Variants in SLC8A1 observed in about 807,000 individuals in gnomAD.
SLC8A1 encodes solute carrier family 8 member A1.
A neutral mutation model predicts 68.3 loss-of-function variants in SLC8A1; 18 were observed. The observed-to-expected ratio is 0.26, with a 90% CI of 0.18 to 0.39. The LOEUF (loss-of-function observed/expected upper bound fraction) is 0.39. Ranked by LOEUF, SLC8A1 falls within the 10% of genes least tolerant of loss-of-function variation. The pLI, the probability that SLC8A1 is intolerant of heterozygous loss-of-function variation, is 1.00. For synonymous variants in SLC8A1, 475 were observed against 415.5 expected, an observed-to-expected ratio of 1.14 and a Z score of -1.74; for missense variants, 985 against 1,156.7, an observed-to-expected ratio of 0.85 and a Z score of 2.15.
chr2:40,177,337 T>C (rs1350002017), intron 3 of SLC8A1, among the ~76,000 whole-genome samples: 1 of 152,234 alleles, frequency 6.6e-6, no homozygotes, highest in Non-Finnish European at 1.5e-5. Flanking sequence ...CTAATAGGTA[T>C]TAAGCAGTTT....
Position 40,439,851 on chromosome 2 carries a change from G to T in SLC8A1, c.-24-9547C>A, listed in dbSNP as rs1057312723. Among the ~76,000 whole-genome samples, 98 of 152,116 alleles carry T rather than the reference G, an allele frequency of 6.4e-4. 1 individual carries two copies. Among genetic ancestry groups the T allele is most frequent in the East Asian group, 1.9e-4 (1 of 5,176 alleles). ...ATTTTAAAAAGTCAAGGTGATGGGTGCTCACATAAGGGTGACTCTCCATCA... is the reference window on the plus strand; with the variant it reads ...ATTTTAAAAAGTCAAGGTGATGGGTTCTCACATAAGGGTGACTCTCCATCA... On this transcript the variant is annotated intron_variant, in intron 1 of 7. Coordinates refer to ENST00000406785, the Ensembl canonical transcript of SLC8A1.
chr2:40,449,055 T>A (rs934188150), intron 1 of SLC8A1, among the ~76,000 whole-genome samples: 2 of 152,024 alleles, frequency 1.3e-5, no homozygotes, highest in African/African-American at 4.8e-5. Flanking sequence ...TATTGCCATA[T>A]TTTTAGGGCA....
chr2:40,314,598 C>G (rs139437801), intron 2 of SLC8A1, among the ~76,000 whole-genome samples: 31 of 151,828 alleles, frequency 2.0e-4, no homozygotes, highest in East Asian at 1.7e-3. Context: ...TTGGGAAGAA[C>G]GATTATCTTA....
intron 2 of SLC8A1, among the ~76,000 whole-genome samples, chr2:40,408,333 A>C (rs1269912581): frequency 6.6e-6 from 1 of 152,216 alleles, no homozygotes; most frequent in Non-Finnish European, 1.5e-5. Flanking sequence ...TTAACTTATC[A>C]ACAGTTTGAT....
intron 1 of SLC8A1, among the ~76,000 whole-genome samples, chr2:40,480,049 T>C (rs531906926): frequency 6.6e-6 from 1 of 152,222 alleles, no homozygotes; most frequent in African/African-American, 2.4e-5. Context: ...AAGAAAAAAC[T>C]GTAAAACTGG....
At chr2:40,305,582 GAC>G (rs764128025) in intron 2 of SLC8A1, among the ~76,000 whole-genome samples, 63 of 152,278 alleles carry the variant, frequency 4.1e-4, no homozygotes, top group Non-Finnish European at 6.9e-4. Flanking sequence ...ATAAGCATTT[GAC>G]ACAGTGTGTG....
rs1688060832 is a variant in SLC8A1, at chr2:40,399,580, C to G, written c.1808+28893G>C. 5.3e-5 allele frequency among the ~76,000 whole-genome samples: 8 copies of G among 152,190 alleles called. No individual in the cohort carries two copies. The South Asian group carries it at 1.5e-3, about 28-fold the overall frequency. ...CTGCAATTTTTAATCTAACTCTTAC[C>G]AGAATGAAAAACCATCTAAATGCTC... On this transcript the variant is annotated intron_variant, in intron 2 of 7. Coordinates refer to ENST00000406785, the Ensembl canonical transcript of SLC8A1.
At chr2:40,375,792 C>T (rs78628090) in intron 2 of SLC8A1, among the ~76,000 whole-genome samples, 2 of 152,026 alleles carry the variant, frequency 1.3e-5, no homozygotes, top group Non-Finnish European at 2.9e-5. Flanking sequence ...TGCTTGAGCT[C>T]GAAAGTTGAA....
At chr2:40,456,316 C>CAAAAAAAAAAAAAAAAAAAAAAAAAAA (rs67747641), upstream of SLC8A1, among the ~76,000 whole-genome samples, 2 of 102,402 alleles carry the variant, frequency 2.0e-5, no homozygotes, top group African/African-American at 7.2e-5. Context: ...GACTCCGTCT[C>CAAAAAAAAAAAAAAAAAAAAAAAAAAA]AAAAAAAAAA....
intron 2 of SLC8A1, among the ~76,000 whole-genome samples, chr2:40,257,353 G>A (rs1050820504): frequency 2.6e-5 from 4 of 151,098 alleles, no homozygotes; most frequent in Non-Finnish European, 4.4e-5. Flanking sequence ...CCAAATCAGA[G>A]GAAACCGAAG....
intron 6 of SLC8A1, among the ~76,000 whole-genome samples, chr2:40,157,108 G>A (rs931237130): frequency 1.3e-5 from 2 of 152,080 alleles, no homozygotes; most frequent in African/African-American, 4.8e-5. Flanking sequence ...TAGTCCCATA[G>A]CTATTTTATT....
chr2:40,437,830 T>A (rs1699726902), intron 1 of SLC8A1, among the ~76,000 whole-genome samples: 1 of 152,128 alleles, frequency 6.6e-6, no homozygotes, highest in Non-Finnish European at 1.5e-5. Context: ...CACTCATATA[T>A]GCCAGACACT....
intron 7 of SLC8A1, among the ~76,000 whole-genome samples, chr2:40,118,991 G>A (rs1475986325): frequency 2.0e-5 from 3 of 152,070 alleles, no homozygotes; most frequent in African/African-American, 7.2e-5. Context: ...AGGAAAGGAA[G>A]TTTAAAATCA....
At chr2:40,350,981 C>T (rs923151845) in intron 2 of SLC8A1, among the ~76,000 whole-genome samples, 3 of 152,060 alleles carry the variant, frequency 2.0e-5, no homozygotes, top group Admixed American at 1.3e-4. Context: ...ATGACGGCAG[C>T]TCTGTCTAAA....
intron 2 of SLC8A1, among the ~76,000 whole-genome samples, chr2:40,374,757 A>G (rs887002221): frequency 6.6e-6 from 1 of 152,006 alleles, no homozygotes; most frequent in Admixed American, 6.6e-5. Context: ...AGCCTCTAAA[A>G]GATTATTCTA....
chr2:40,194,469 A>ATGTGTGTGTGTGTGTG (rs543194094), intron 2 of SLC8A1, among the ~76,000 whole-genome samples: 9 of 137,326 alleles, frequency 6.6e-5, no homozygotes, highest in African/African-American at 2.2e-4. Context: ...TCAGTAAGCA[A>ATGTGTGTGTGTGTGTG]TGTGTGTGTG....
Position 40,399,308 on chromosome 2 carries a change from C to T in SLC8A1, c.1808+29165G>A, listed in dbSNP as rs1465829269. Among the ~76,000 whole-genome samples the T allele has an allele frequency of 5.3e-5, 8 of 151,494 alleles. No homozygotes were observed. The East Asian group carries it at 1.5e-3, about 29-fold the overall frequency. ...ACTGTTTTGTGAGGGCCTCCTCTAC[C>T]CCTCGTCTCCCCTACCCCTCGTCTC... is the stretch of plus-strand genomic sequence containing the variant. On this transcript the variant is annotated intron_variant, in intron 2 of 7. Transcript: ENST00000406785.
Position 40,186,887 on chromosome 2 carries a change from T to C in SLC8A1, c.1809-9032A>G, listed in dbSNP as rs1366425. On this transcript the variant is annotated intron_variant, in intron 2 of 7. Coordinates refer to ENST00000406785, the Ensembl canonical transcript of SLC8A1. ...ATCATCATTTATCAAATATGGATAA[T>C]GAAATTCGCAGGTTATTGCAAAGAT... Among the ~76,000 whole-genome samples the C allele has an allele frequency of 6.6e-3, 1,009 of 152,340 alleles. 12 individuals are homozygous for C. The highest frequency in any genetic ancestry group is 0.023 in the African/African-American group (969 of 41,580).
chr2:40,370,028 T>C (rs969489913), intron 2 of SLC8A1, among the ~76,000 whole-genome samples: 1 of 152,158 alleles, frequency 6.6e-6, no homozygotes, highest in Non-Finnish European at 1.5e-5. Context: ...CTGTAAAATC[T>C]TATCTGTTGC....
Sources: gnomAD v4.1 joint callset for allele counts (sites outside exome capture counted in the v4.1 genomes callset) on GRCh38, gnomAD v4.1.1 for gene constraint, MANE v1.5 for transcripts, NCBI Gene and HGNC (gene_info 2026-07-23, HGNC 2026-07-21) for gene names.